Variants in NCALD observed in about 807,000 individuals in gnomAD.
NCALD encodes the protein neurocalcin delta.
Under a neutral mutation model 18.6 loss-of-function variants are expected in NCALD, and 10 were observed. The observed-to-expected ratio is 0.54, with a 90% confidence interval of 0.33 to 0.91. The LOEUF (loss-of-function observed/expected upper bound fraction) is 0.91. Ranked by LOEUF, NCALD falls within the 40% of genes least tolerant of loss-of-function variation. The pLI, the probability that NCALD is intolerant of heterozygous loss-of-function variation, is 0.03. For missense variants in NCALD, 184 were observed against 247.6 expected (o/e 0.74, Z 1.72); for synonymous variants, 88 against 87.4 (o/e 1.01, Z -0.04).
intron 1 of NCALD, among the ~76,000 whole-genome samples, chr8:102,034,223 T>C (rs1822784237): frequency 6.6e-6 from 1 of 152,178 alleles, no homozygotes; most frequent in African/African-American, 2.4e-5. Flanking sequence ...CTTTACAATT[T>C]AGTCTTTTAA....
intron 2 of NCALD, among the ~76,000 whole-genome samples, chr8:101,966,862 T>C (rs562017357): frequency 1.4e-4 from 21 of 152,202 alleles, no homozygotes; most frequent in Middle Eastern, 6.8e-3. Flanking sequence ...TCAAAAACAT[T>C]GCATAATTAA....
chr8:102,118,826 GA>G (rs1257410052), intron 1 of NCALD, among the ~76,000 whole-genome samples: 2 of 152,122 alleles, frequency 1.3e-5, no homozygotes, highest in Non-Finnish European at 2.9e-5. Context: ...ACCCTAGAAT[GA>G]AGTTTAAACT....
At chr8:102,069,084 A>C (rs1051632764) in intron 1 of NCALD, among the ~76,000 whole-genome samples, 3 of 152,204 alleles carry the variant, frequency 2.0e-5, no homozygotes, top group Non-Finnish European at 4.4e-5. Context: ...GCAAAGTTTC[A>C]GTTAGAGAGA....
chr8:101,813,780 G>C (rs1044879095), intron 4 of NCALD, among the ~76,000 whole-genome samples: 2 of 151,848 alleles, frequency 1.3e-5, no homozygotes, highest in African/African-American at 4.8e-5. Flanking sequence ...TATAGGATTT[G>C]GTCCAGATTT....
chr8:101,767,127 C>T (rs912155363), intron 1 of NCALD, among the ~76,000 whole-genome samples: 10 of 152,168 alleles, frequency 6.6e-5, no homozygotes, highest in African/African-American at 2.4e-4. Flanking sequence ...CTCCTGGTTC[C>T]ACCACTTACA....
At chr8:101,836,119 A>C (rs1036248747) in intron 4 of NCALD, among the ~76,000 whole-genome samples, 1 of 152,142 alleles carries the variant, frequency 6.6e-6, no homozygotes. Context: ...CTCTTTTCCA[A>C]CTGAAGAGCC....
intron 2 of NCALD, among the ~76,000 whole-genome samples, chr8:101,993,366 T>C (rs1365780064): frequency 2.0e-5 from 3 of 152,086 alleles, no homozygotes; most frequent in Non-Finnish European, 4.4e-5. Flanking sequence ...ATAAGTAAAC[T>C]ACTAGGTTGG....
At chr8:101,937,452 T>C (rs781468238) in intron 2 of NCALD, among the ~76,000 whole-genome samples, 49 of 152,324 alleles carry the variant, frequency 3.2e-4, no homozygotes, top group Admixed American at 1.1e-3. Flanking sequence ...GTTTTTCTGT[T>C]ACTGCATTAG....
chr8:102,025,970 C>T (rs1247074692), intron 1 of NCALD, among the ~76,000 whole-genome samples: 1 of 152,192 alleles, frequency 6.6e-6, no homozygotes, highest in Non-Finnish European at 1.5e-5. Context: ...CTTCTTCACA[C>T]AGCAGCAGGA....
intron 1 of NCALD, among the ~76,000 whole-genome samples, chr8:102,032,188 G>C (rs1822696449): frequency 6.6e-6 from 1 of 152,110 alleles, no homozygotes; most frequent in Non-Finnish European, 1.5e-5. Flanking sequence ...TGGAAGTGGT[G>C]TATAAGATGG....
chr8:101,844,643 G>A (rs1200964683), intron 4 of NCALD, among the ~76,000 whole-genome samples: 1 of 152,086 alleles, frequency 6.6e-6, no homozygotes, highest in African/African-American at 2.4e-5. Flanking sequence ...TTACAGGTGT[G>A]AGCCACTGCA....
intron 4 of NCALD, among the ~76,000 whole-genome samples, chr8:101,846,241 C>T (rs1245457534): frequency 6.6e-6 from 1 of 152,122 alleles, no homozygotes; most frequent in Non-Finnish European, 1.5e-5. Flanking sequence ...TTTTTGAGGA[C>T]TCTCCATACT....
intron 1 of NCALD, among the ~76,000 whole-genome samples, chr8:102,084,920 G>T (rs187274636): frequency 6.6e-6 from 1 of 152,182 alleles, no homozygotes; most frequent in Non-Finnish European, 1.5e-5. Context: ...GGGTTGGTGG[G>T]GTGGGAAGAA....
intron 1 of NCALD, among the ~76,000 whole-genome samples, chr8:102,085,085 C>T (rs7815515): frequency 0.088 from 13,438 of 152,112 alleles, 1,583 homozygotes; most frequent in African/African-American, 0.27. Flanking sequence ...CATGCACACG[C>T]CTGGTTGGAT....
At chr8:101,703,533 A>G (rs1221374753) in intron 2 of NCALD, among the ~76,000 whole-genome samples, 1 of 152,170 alleles carries the variant, frequency 6.6e-6, no homozygotes, top group Non-Finnish European at 1.5e-5. Flanking sequence ...CCAAAAAACA[A>G]TGGACATGAA....
At chr8:101,869,391 A>T (rs1235192583) in intron 4 of NCALD, among the ~76,000 whole-genome samples, 1 of 152,204 alleles carries the variant, frequency 6.6e-6, no homozygotes, top group Non-Finnish European at 1.5e-5. Context: ...CCTGGAGCAG[A>T]GGGAAAAAGC....
chr8:102,050,928 TATAA>T (rs1353459635), intron 1 of NCALD, among the ~76,000 whole-genome samples: 5 of 147,474 alleles, frequency 3.4e-5, no homozygotes, highest in African/African-American at 9.8e-5. Context: ...ATAATTTATA[TATAA>T]ATAAATTTTT....
intron 2 of NCALD, among the ~76,000 whole-genome samples, chr8:101,928,235 A>T (rs1224530482): frequency 6.6e-5 from 10 of 152,220 alleles, no homozygotes; most frequent in Non-Finnish European, 1.3e-4. Flanking sequence ...AAAAGTTCCC[A>T]CAGCTAACCC....
intron 2 of NCALD, among the ~76,000 whole-genome samples, chr8:102,005,892 AGGG>A: frequency 2.4e-5 from 1 of 41,786 alleles, no homozygotes; most frequent in African/African-American, 9.4e-5. Flanking sequence ...GTGGGGGGGC[AGGG>A]GGGAGGGATA....
Sources: gnomAD v4.1 joint callset for allele counts (sites outside exome capture counted in the v4.1 genomes callset) on GRCh38, gnomAD v4.1.1 for gene constraint, MANE v1.5 for transcripts, NCBI Gene and HGNC (gene_info 2026-07-23, HGNC 2026-07-21) for gene names.